Variants in MASP1 observed in about 807,000 individuals in gnomAD.
MASP1 encodes the protein MBL associated serine protease 1, also known as mannan-binding lectin serine protease 1.
A neutral mutation model predicts 77.1 loss-of-function variants in MASP1; 59 were observed. The observed-to-expected ratio is 0.77, with a 90% CI of 0.62 to 0.95. The LOEUF (loss-of-function observed/expected upper bound fraction) is 0.95. Among genes scored for constraint, MASP1 ranks in the 40% least tolerant of loss-of-function variants. The pLI is 0.00. For synonymous variants in MASP1, 362 were observed against 354.5 expected, an observed-to-expected ratio of 1.02 and a Z score of -0.24; for missense variants, 885 against 912.9, an observed-to-expected ratio of 0.97 and a Z score of 0.39.
intron 2 of MASP1, among the ~76,000 whole-genome samples, chr3:187,269,709 T>G (rs929057932): frequency 6.6e-6 from 1 of 152,258 alleles, no homozygotes; most frequent in Admixed American, 6.5e-5. Context: ...GAGCAGTAAT[T>G]GCTATATGCC....
chr3:187,240,255 C>A (rs1303937649), intron 10 of MASP1, among the ~76,000 whole-genome samples: 1 of 151,960 alleles, frequency 6.6e-6, no homozygotes, highest in Non-Finnish European at 1.5e-5. Flanking sequence ...ATACTGTATA[C>A]TGTAGGGTTA....
At chr3:187,282,421 C>T (rs1442861636) in intron 2 of MASP1, among the ~76,000 whole-genome samples, 5 of 149,424 alleles carry the variant, frequency 3.3e-5, no homozygotes, top group African/African-American at 9.9e-5. Context: ...CACTTGAACC[C>T]GGGAGGTGGA....
At chr3:187,221,211 C>G in intron 14 of MASP1, 2 of 972,102 alleles carry the variant, frequency 2.1e-6, no homozygotes, top group Non-Finnish European at 3.2e-6. Context: ...GAAGACGGCT[C>G]CTCTCCACTC....
chr3:187,242,151 G>A (rs1312329462), intron 9 of MASP1: 3 of 153,116 alleles, frequency 2.0e-5, no homozygotes, highest in Admixed American at 6.5e-5. Context: ...GCATACATTT[G>A]TGGCCACCAT....
In MASP1 at chr3:187,243,511, A is replaced by C. The variant is rs1291027192; in HGVS notation, c.1201T>G (p.Tyr401Asp). The C allele has an allele frequency of 6.2e-7, 1 of 1,614,070 alleles. No individual in the cohort carries two copies. The highest frequency in any genetic ancestry group is 8.5e-7 in the Non-Finnish European group (1 of 1,179,940). The change falls in exon 9 of 11, where the codon TAT becomes GAT. Residue 401 changes from tyrosine (Y) to aspartate (D), a missense_variant. Physicochemically the swap from Tyr to Asp is radical, Grantham distance 160. Coordinates refer to ENST00000296280, the MANE Select transcript of MASP1 (RefSeq NM_139125.4). ...GTGTTATTGTTGAGCATCTTGTAAT[A>C]GGGCTCCTGACAGGAGTATTTGATC... The part of the protein sequence containing the change: ...SEIKYSCQEP[Y>D]YKMLNNNTGI...
chr3:187,221,229 G>T, intron 14 of MASP1: 1 of 820,242 alleles, frequency 1.2e-6, no homozygotes, highest in Non-Finnish European at 2.1e-6. Flanking sequence ...CTCCATACCT[G>T]GACGGACCTG....
At chr3:187,261,518 G>A (rs949549576) in intron 3 of MASP1, among the ~76,000 whole-genome samples, 2 of 152,202 alleles carry the variant, frequency 1.3e-5, no homozygotes, top group African/African-American at 4.8e-5. Flanking sequence ...AAACCACAAT[G>A]AGGTACCACT....
chr3:187,228,572 C>G lies in MASP1; in HGVS notation c.1441+1188G>C, dbSNP rs149286362. On this transcript the variant is annotated intron_variant, in intron 11 of 15. Coordinates refer to the MASP1 transcript ENST00000337774. ...GTTCCCTTTCATTTTTCTCTTTACT[C>G]TCTTCAATCCTCTATCTTATTTTCC... 1.7e-3 allele frequency among the ~76,000 whole-genome samples: 265 copies of G among 152,218 alleles called. 2 individuals are homozygous for G. The highest frequency in any genetic ancestry group is 6.0e-3 in the African/African-American group (251 of 41,508).
Position 187,234,607 on chromosome 3 carries a change from G to C in MASP1, c.*1077C>G, listed in dbSNP as rs1712984790. 1 of 1,287,074 alleles carries C rather than the reference G, an allele frequency of 7.8e-7. No individual in the cohort carries two copies. The highest frequency in any genetic ancestry group is 1.0e-6 in the Non-Finnish European group (1 of 988,696). The allele number at this position is 1,287,074 out of a possible 1,614,324, so 79.7% of individuals were successfully genotyped here. ...TTTGACTCTGAAAAATGAAGGAGTG[G>C]GTCCCTCTGAACATCCTGCGGGGTG... On this transcript the variant is annotated 3_prime_UTR_variant, in exon 11 of 11. Coordinates refer to ENST00000296280, the MANE Select transcript of MASP1 (RefSeq NM_139125.4).
intron 1 of MASP1, 23 bp from the exon 2 acceptor site, chr3:187,286,079 T>G: frequency 6.5e-7 from 1 of 1,547,040 alleles, no homozygotes; most frequent in Non-Finnish European, 8.9e-7. Context: ...AATGTAGGTC[T>G]ACTTACATTT....
Position 187,236,388 on chromosome 3 carries a change from C to T in MASP1, c.1483G>A (p.Ala495Thr). Residue 495 changes from alanine to threonine, a missense_variant, in exon 11 of 11, where the codon GCA becomes ACA. By Grantham distance (58) the Ala-to-Thr change is moderately conservative (BLOSUM62 0). Coordinates refer to ENST00000296280, the MANE Select transcript of MASP1 (RefSeq NM_139125.4). ...ALLSASWILT[A>T]AHVLRSQRRD... ...CGCTGGGAGCGCAGCACATGAGCTG[C>T]TGTGAGGATCCAGGACGCAGAGAGC... 6.2e-7 allele frequency: 1 copy of T among 1,614,232 alleles called. No homozygotes were observed. Among genetic ancestry groups the T allele is most frequent in the Non-Finnish European group, 8.5e-7 (1 of 1,180,042 alleles).
At chr3:187,263,126 G>A in intron 2 of MASP1, 1 of 252,168 alleles carries the variant, frequency 4.0e-6, no homozygotes, top group Non-Finnish European at 7.8e-6. Context: ...TATCCAGTGT[G>A]TGCCTACTGC....
At chr3:187,251,412 T>TAAAAAA in intron 7 of MASP1, 2 of 456,510 alleles carry the variant, frequency 4.4e-6, no homozygotes, top group South Asian at 2.3e-5. Context: ...ATGCTCTGAT[T>TAAAAAA]AAAAAAAAAA....
chr3:187,280,507 A>G (rs981819206), intron 2 of MASP1, among the ~76,000 whole-genome samples: 1 of 152,190 alleles, frequency 6.6e-6, no homozygotes, highest in Non-Finnish European at 1.5e-5. Context: ...CTCTCTCCAT[A>G]ACTATAGCTT....
exon 16 of MASP1, chr3:187,220,055 G>A (rs1258496003): frequency 1.2e-6 from 2 of 1,612,706 alleles, no homozygotes; most frequent in African/African-American, 2.7e-5. Context: ...GTGGTGCTGG[G>A]GCTGAGGAGC....
At chr3:187,220,545 T>A (rs1437799044) in intron 15 of MASP1, among the ~76,000 whole-genome samples, 1 of 144,616 alleles carries the variant, frequency 6.9e-6, no homozygotes, top group Non-Finnish European at 1.5e-5. Context: ...ACACCCAGGC[T>A]AGAGTGCAGT....
downstream of MASP1, among the ~76,000 whole-genome samples, chr3:187,231,381 C>T (rs1712753407): frequency 6.6e-6 from 1 of 152,222 alleles, no homozygotes; most frequent in Non-Finnish European, 1.5e-5. Context: ...GTCTCTCCTT[C>T]TCCTCCCTTC....
intron 5 of MASP1, among the ~76,000 whole-genome samples, chr3:187,256,240 A>C (rs1325984222): frequency 6.6e-6 from 1 of 152,238 alleles, no homozygotes; most frequent in African/African-American, 2.4e-5. Context: ...TATTTAAAAC[A>C]AATTAAAATT....
Position 187,277,524 on chromosome 3 carries a change from T to A in MASP1, c.237+8301A>T, listed in dbSNP as rs567216911. 2.6e-5 allele frequency among the ~76,000 whole-genome samples: 4 copies of A among 152,328 alleles called. No individual in the cohort carries two copies. In the South Asian group the frequency reaches 8.3e-4, roughly 32 times the overall value. On this transcript the variant is annotated intron_variant, in intron 2 of 10. Transcript: ENST00000296280. Reference sequence around the variant, plus strand: ...TCAAGGACCTTCTGTTTTACTAAATTTTATGAAATCATCTTGACAAATAGA... The same window carrying A: ...TCAAGGACCTTCTGTTTTACTAAATATTATGAAATCATCTTGACAAATAGA...
Sources: allele counts gnomAD v4.1 joint callset (sites outside exome capture counted in the v4.1 genomes callset), GRCh38; gene constraint gnomAD v4.1.1; transcripts MANE v1.5; gene names NCBI Gene and HGNC (gene_info 2026-07-23, HGNC 2026-07-21).